The following CDC25A variants were observed in gnomAD, a reference collection of about 807,000 sequenced individuals.
CDC25A encodes M-phase inducer phosphatase 1.
In CDC25A, 17 loss-of-function variants were observed where a neutral mutation model predicts 64.6. The ratio of observed to expected loss-of-function variants is 0.26; its 90% confidence interval spans 0.18 to 0.39. The LOEUF is 0.39. Ranked by LOEUF, CDC25A falls within the 10% of genes least tolerant of loss-of-function variation. The probability of loss-of-function intolerance (pLI) is 1.00; values close to 1 mark genes in which losing one functional copy is unlikely to be tolerated. For synonymous variants in CDC25A, 229 were observed against 238.6 expected, an observed-to-expected ratio of 0.96 and a Z score of 0.37; for missense variants, 473 against 654.8, an observed-to-expected ratio of 0.72 and a Z score of 3.03.
Position 48,180,750 on chromosome 3 carries a change from G to T in CDC25A, c.520C>A (p.Gln174Lys), listed in dbSNP as rs753788423. Residue 174 changes from glutamine (Q) to lysine (K), a missense_variant, in exon 6 of 15, where the codon CAG (glutamine) becomes AAG (lysine). By Grantham distance (53) the Gln-to-Lys change is moderately conservative. Around this residue, in one of 2 missense-constraint regions of CDC25A, gnomAD observed 376 missense variants for 431.9 expected, o/e 0.87. Transcript: ENST00000302506. ...CGAGCTGGGGCAGAGTTCTGCCTCT[G>T]TGTGAAGAGATCTTTACCCTCCTGG... ...GLQEGKDLFT[Q>K]RQNSAPARML... The T allele has an allele frequency of 1.2e-6, 2 of 1,614,140 alleles. No individual in the cohort carries two copies. Among genetic ancestry groups the T allele is most frequent in the Admixed American group, 1.7e-5 (1 of 60,016 alleles).
Position 48,177,830 on chromosome 3 carries a change from AACACACAC to A in CDC25A, c.684+16_684+23del. The A allele has an allele frequency of 6.8e-7, 1 of 1,474,074 alleles. No individual in the cohort carries two copies. Among genetic ancestry groups the A allele is most frequent in the Non-Finnish European group, 9.3e-7 (1 of 1,070,940 alleles). 91.3% of individuals were successfully genotyped at this position (1,474,074 alleles called of 1,614,324 possible). On this transcript the variant is annotated intron_variant, in intron 7 of 14. Transcript: ENST00000302506. Reference sequence around the variant, plus strand: ...GTAATTAATTAGTAGAACAAATAGGAACACACACACACACACACGGTACCTTCAGATTC... The same window carrying A: ...GTAATTAATTAGTAGAACAAATAGGAACACACACACGGTACCTTCAGATTC...
chr3:48,187,695 C>A, intron 1 of CDC25A, 83 bp downstream of exon 1: 3 of 1,358,556 alleles, frequency 2.2e-6, no homozygotes, highest in Non-Finnish European at 3.0e-6. Context: ...TCGCCCTTCT[C>A]CCGGTCCGTT....
chr3:48,171,227 T>C (rs1388795981), intron 9 of CDC25A, among the ~76,000 whole-genome samples: 2 of 151,450 alleles, frequency 1.3e-5, no homozygotes, highest in African/African-American at 2.4e-5. Context: ...CAAAAAAAAT[T>C]AGCCAGGCGT....
intron 2 of CDC25A, among the ~76,000 whole-genome samples, chr3:48,186,083 T>C (rs2032833040): frequency 6.6e-6 from 1 of 152,232 alleles, no homozygotes; most frequent in East Asian, 1.9e-4. Flanking sequence ...AATGATTTCA[T>C]GACACTGTAC....
rs745797221 is a variant in CDC25A at position 48,184,699 on chromosome 3, T to C, written c.248-4A>G. The C allele has an allele frequency of 2.0e-5, 31 of 1,578,514 alleles. No individual in the cohort carries two copies. Among genetic ancestry groups the C allele is most frequent in the Admixed American group, 5.9e-5 (3 of 50,576 alleles). On this transcript the variant is annotated splice_region_variant and splice_polypyrimidine_tract_variant and intron_variant, in intron 2 of 14. Transcript: ENST00000302506. The stretch of plus-strand genomic sequence containing the variant: ...CCAGGAGAATCTAGACAGAAACCTA[T>C]GGGGAAAAAAAAAACCTCTCAAGAA...
chr3:48,169,748 C>T (rs529181352), intron 9 of CDC25A, among the ~76,000 whole-genome samples: 23 of 152,324 alleles, frequency 1.5e-4, no homozygotes, highest in African/African-American at 3.6e-4. Context: ...TGGCTCATGC[C>T]TGTAATCCCA....
intron 13 of CDC25A, among the ~76,000 whole-genome samples, chr3:48,164,008 T>C (rs527532015): frequency 2.0e-5 from 3 of 152,292 alleles, no homozygotes; most frequent in African/African-American, 7.2e-5. Flanking sequence ...TCATATCATA[T>C]GAGGTTTTAC....
In CDC25A at chr3:48,165,631, C is replaced by A. The variant is rs745824762; in HGVS notation, c.1191+5G>T. 1.9e-6 allele frequency: 3 copies of A among 1,599,216 alleles called. No homozygotes were observed. The highest frequency in any genetic ancestry group is 2.6e-6 in the Non-Finnish European group (3 of 1,166,694). The stretch of plus-strand genomic sequence containing the variant: ...CCTTCTACAGCAAGTCTCAGGAATC[C>A]ATACCTTGATGTGGCCTCCCTCGTA... On this transcript the variant is annotated splice_donor_5th_base_variant and intron_variant, in intron 12 of 14. Coordinates refer to ENST00000302506, the MANE Select transcript of CDC25A (RefSeq NM_001789.3).
chr3:48,185,018 A>G (rs2032799436), intron 2 of CDC25A, among the ~76,000 whole-genome samples: 1 of 152,222 alleles, frequency 6.6e-6, no homozygotes, highest in South Asian at 2.1e-4. Context: ...GGTGACCCAG[A>G]TAACTTTCTG....
At chr3:48,181,864 G>A (rs1575272492) in intron 5 of CDC25A, 1 of 538,924 alleles carries the variant, frequency 1.9e-6, no homozygotes, top group South Asian at 2.4e-5. Context: ...AGTACTTTCT[G>A]TGCATTAACT....
intron 5 of CDC25A, 74 bp downstream of exon 5, chr3:48,182,855 C>T (rs1322962463): frequency 2.1e-6 from 2 of 964,292 alleles, no homozygotes; most frequent in Non-Finnish European, 3.4e-6. Context: ...GAAAGCAGCC[C>T]AGCCACTTCT....
At chr3:48,163,598 CCGTCAAAAAA>C (rs2031882371) in intron 13 of CDC25A, among the ~76,000 whole-genome samples, 2 of 151,432 alleles carry the variant, frequency 1.3e-5, no homozygotes, top group Admixed American at 1.3e-4. Flanking sequence ...GAGCAAAACT[CCGTCAAAAAA>C]AAAAAATTGA....
In CDC25A at chr3:48,172,870, GAAACAACA is replaced by G. The variant is rs1384734117; in HGVS notation, c.930+1406_930+1413del. Among the ~76,000 whole-genome samples the G allele has an allele frequency of 4.7e-5, 7 of 149,334 alleles. No individual in the cohort carries two copies. In the South Asian group the frequency reaches 1.5e-3, roughly 32 times the overall value. On this transcript the variant is annotated intron_variant, in intron 9 of 14. Transcript: ENST00000302506. ...CAGAGAGACCCTGTCTCAGAAACAG[GAAACAACA>G]AAACAGCCTATACAACTATGAGCAA... is the stretch of plus-strand genomic sequence containing the variant.
rs547251582 is a variant in CDC25A, at chr3:48,159,539, C to A, written c.1323-84G>T. ...ACGCAGTCAAAGCAGCAGTTGTGGT[C>A]TAAGTCCCCCTTATACACATCTTCC... On this transcript the variant is annotated intron_variant, in intron 13 of 14. Coordinates refer to ENST00000302506, the MANE Select transcript of CDC25A (RefSeq NM_001789.3). The A allele has an allele frequency of 4.7e-6, 4 of 851,676 alleles. No homozygotes were observed. The Admixed American group carries it at 5.5e-5, about 12-fold the overall frequency. The allele number at this position is 851,676 out of a possible 1,614,324, so 52.8% of individuals were successfully genotyped here.
At chr3:48,160,413 T>A (rs1249485251) in intron 13 of CDC25A, among the ~76,000 whole-genome samples, 1 of 77,372 alleles carries the variant, frequency 1.3e-5, no homozygotes, top group Admixed American at 1.2e-4. Flanking sequence ...CCAGTCACCT[T>A]TTTTTTTTTT....
At chr3:48,166,500 A>G (rs931017708) in intron 10 of CDC25A, among the ~76,000 whole-genome samples, 2 of 152,198 alleles carry the variant, frequency 1.3e-5, no homozygotes, top group Admixed American at 6.6e-5. Context: ...TTTGTCAAGA[A>G]TCCACACGTC....
At chr3:48,165,117 A>AAAAAAAAAAAAAG in intron 12 of CDC25A, among the ~76,000 whole-genome samples, 1 of 150,966 alleles carries the variant, frequency 6.6e-6, no homozygotes. Context: ...CAAAAAAAAA[A>AAAAAAAAAAAAAG]AAAAAAAAAG....
intron 12 of CDC25A, among the ~76,000 whole-genome samples, chr3:48,164,738 C>T (rs1191932077): frequency 6.6e-6 from 1 of 152,116 alleles, no homozygotes; most frequent in Non-Finnish European, 1.5e-5. Flanking sequence ...TCAAAAGCCA[C>T]AAGACAATGG....
intron 9 of CDC25A, among the ~76,000 whole-genome samples, chr3:48,171,072 A>G (rs2032251212): frequency 6.6e-6 from 1 of 152,160 alleles, no homozygotes; most frequent in Non-Finnish European, 1.5e-5. Flanking sequence ...TATTACGGTA[A>G]AAGAAAATGA....
Sources: gnomAD v4.1 joint callset for allele counts (sites outside exome capture counted in the v4.1 genomes callset) on GRCh38, gnomAD v4.1.1 for gene constraint, gnomAD v4.1.1 regional missense constraint, MANE v1.5 for transcripts, NCBI Gene and HGNC (gene_info 2026-07-23, HGNC 2026-07-21) for gene names.